The following KIF21A variants were observed in gnomAD, a reference collection of about 807,000 sequenced individuals.
KIF21A encodes kinesin-like protein KIF21A.
In KIF21A, 114 loss-of-function variants were observed where a neutral mutation model predicts 202.9. The ratio of observed to expected loss-of-function variants is 0.56; its 90% CI spans 0.48 to 0.66. The LOEUF is 0.66. Ranked by LOEUF, KIF21A falls within the 30% of genes least tolerant of loss-of-function variation. The pLI is 0.00. For missense variants in KIF21A, 1,677 were observed against 1,994.9 expected (o/e 0.84, Z 3.04); for synonymous variants, 667 against 670.8 (o/e 0.99, Z 0.09).
At chr12:39,344,633 A>G (rs1170037654) in intron 12 of KIF21A, among the ~76,000 whole-genome samples, 2 of 152,140 alleles carry the variant, frequency 1.3e-5, no homozygotes, top group African/African-American at 4.8e-5. Context: ...ATTAACTCAT[A>G]TATTATAAGT....
intron 1 of KIF21A, among the ~76,000 whole-genome samples, chr12:39,389,006 A>T (rs1296001554): frequency 6.6e-6 from 1 of 152,298 alleles, no homozygotes; most frequent in East Asian, 1.9e-4. Context: ...ACTTCTTAAT[A>T]TGTAAATTTT....
intron 1 of KIF21A, among the ~76,000 whole-genome samples, chr12:39,391,859 C>T (rs1951380192): frequency 6.6e-6 from 1 of 152,010 alleles, no homozygotes; most frequent in Non-Finnish European, 1.5e-5. Flanking sequence ...CTGCCCCAGC[C>T]TCCTGAGTAG....
At chr12:39,347,892 T>C (rs1484104618) in intron 11 of KIF21A, among the ~76,000 whole-genome samples, 1 of 151,854 alleles carries the variant, frequency 6.6e-6, no homozygotes, top group East Asian at 1.9e-4. Flanking sequence ...AATGTGTGAA[T>C]GGTAAATTTT....
At chr12:39,320,047 T>G in intron 27 of KIF21A, 34 bp from the exon 28 acceptor site, 1 of 1,278,298 alleles carries the variant, frequency 7.8e-7, no homozygotes, top group Middle Eastern at 2.2e-4. Flanking sequence ...ATTACCTAAT[T>G]CTAAATTTGC....
chr12:39,313,993 T>A (rs1944274444), intron 31 of KIF21A, among the ~76,000 whole-genome samples: 1 of 151,444 alleles, frequency 6.6e-6, no homozygotes. Flanking sequence ...TACAACAGCA[T>A]AATTTAAAAG....
At chr12:39,437,257 A>G (rs993081266) in intron 1 of KIF21A, among the ~76,000 whole-genome samples, 9 of 152,222 alleles carry the variant, frequency 5.9e-5, no homozygotes, top group Non-Finnish European at 1.2e-4. Context: ...AATATTAACC[A>G]ATTAGCAGGT....
rs1592100304 is a variant in KIF21A at position 39,316,421 on chromosome 12, T to C, written c.3909-451A>G. Among the ~76,000 whole-genome samples the C allele has an allele frequency of 2.6e-5, 4 of 152,182 alleles. No homozygotes were observed. The East Asian group carries it at 7.7e-4, about 29-fold the overall frequency. On this transcript the variant is annotated intron_variant, in intron 29 of 37. Transcript: ENST00000361418. ...TAATGTTGAAGTTACACAAAATAGA[T>C]TGTGTTTTCACATAGAAAGCAAGTC...
intron 1 of KIF21A, among the ~76,000 whole-genome samples, chr12:39,433,438 C>A (rs1237917165): frequency 3.3e-5 from 5 of 152,026 alleles, no homozygotes; most frequent in Admixed American, 1.3e-4. Context: ...CTCAGTTTAC[C>A]CCTTACAGTG....
intron 34 of KIF21A, 94 bp from the exon 35 acceptor site, chr12:39,305,032 A>G (rs2137201208): frequency 2.8e-6 from 2 of 713,626 alleles, no homozygotes; most frequent in Non-Finnish European, 5.0e-6. Flanking sequence ...CTTTCATAAA[A>G]TAATTCACTA....
intron 1 of KIF21A, 68 bp from the exon 2 acceptor site, chr12:39,370,329 A>C: frequency 8.4e-7 from 1 of 1,196,536 alleles, no homozygotes; most frequent in Non-Finnish European, 1.2e-6. Context: ...AAAAAATAGG[A>C]CTTAAAAACT....
chr12:39,309,258 T>C (rs1943774419), intron 33 of KIF21A, among the ~76,000 whole-genome samples: 1 of 152,146 alleles, frequency 6.6e-6, no homozygotes, highest in African/African-American at 2.4e-5. Context: ...GCAAGTAATA[T>C]AAAACATTGA....
At chr12:39,403,210 T>C (rs1952309853) in intron 1 of KIF21A, among the ~76,000 whole-genome samples, 1 of 152,144 alleles carries the variant, frequency 6.6e-6, no homozygotes, top group Non-Finnish European at 1.5e-5. Flanking sequence ...GGGGGCTCTA[T>C]GCAAAACACT....
intron 1 of KIF21A, among the ~76,000 whole-genome samples, chr12:39,403,828 A>G (rs749360824): frequency 6.6e-6 from 1 of 152,234 alleles, no homozygotes; most frequent in South Asian, 2.1e-4. Context: ...CTTAGTAGCA[A>G]AGTCTTACTT....
intron 36 of KIF21A, among the ~76,000 whole-genome samples, chr12:39,302,451 T>C (rs1943053539): frequency 6.6e-6 from 1 of 152,202 alleles, no homozygotes; most frequent in African/African-American, 2.4e-5. Flanking sequence ...TAATTTCTTT[T>C]CCAGGGAATT....
At chr12:39,324,308 G>GGAGATGACCTTTAGGCCACC (rs943871023) in intron 26 of KIF21A, among the ~76,000 whole-genome samples, 1 of 152,068 alleles carries the variant, frequency 6.6e-6, no homozygotes, top group Non-Finnish European at 1.5e-5. Flanking sequence ...GGTTCTTTCA[G>GGAGATGACCTTTAGGCCACC]GAGATGACCT....
rs781506644 is a variant in KIF21A at position 39,340,168 on chromosome 12, T to C, written c.2307A>G (p.Thr769=). 4.3e-6 allele frequency: 7 copies of C among 1,611,002 alleles called. No homozygotes were observed. Among genetic ancestry groups the C allele is most frequent in the South Asian group, 3.3e-5 (3 of 90,686 alleles). The change falls in exon 16 of 38, where the codon ACA becomes ACG. Residue 769 remains threonine, a synonymous_variant. Transcript: ENST00000361418. The part of the protein sequence containing the change: ...LQQDVMEMKK[T]KVRLMKQMKE... ...AATGGAAAAAAATAATCAATACCTT[T>C]GTTTTTTTCATTTCCATCACATCCT...
At chr12:39,440,400 T>C (rs575530106) in intron 1 of KIF21A, among the ~76,000 whole-genome samples, 1 of 152,330 alleles carries the variant, frequency 6.6e-6, no homozygotes, top group South Asian at 2.1e-4. Context: ...ACTTAATCTT[T>C]CTGTGCCTCA....
intron 1 of KIF21A, among the ~76,000 whole-genome samples, chr12:39,419,240 C>G (rs949062096): frequency 2.0e-5 from 3 of 152,162 alleles, no homozygotes; most frequent in African/African-American, 7.2e-5. Flanking sequence ...GAAACAGATT[C>G]ATAAACTTTA....
At chr12:39,346,586 G>T in intron 11 of KIF21A, 82 bp from the exon 12 acceptor site, 3 of 919,334 alleles carry the variant, frequency 3.3e-6, no homozygotes, top group Non-Finnish European at 4.5e-6. Flanking sequence ...GTGATAAGAA[G>T]GTAAAAATGA....
Sources: allele counts gnomAD v4.1 joint callset (sites outside exome capture counted in the v4.1 genomes callset), GRCh38; gene constraint gnomAD v4.1.1; transcripts MANE v1.5; gene names NCBI Gene and HGNC (gene_info 2026-07-23, HGNC 2026-07-21).